GRIP1: variants seen among roughly 807,000 people sequenced by gnomAD.
GRIP1 encodes glutamate receptor-interacting protein 1.
In GRIP1, 45 loss-of-function variants were observed where a neutral mutation model predicts 129.9. The observed-to-expected ratio is 0.35, with a 90% CI of 0.27 to 0.44. The LOEUF (loss-of-function observed/expected upper bound fraction) is 0.44, where lower values mean the gene tolerates loss of function less well. Ranked by LOEUF, GRIP1 falls within the 20% of genes least tolerant of loss-of-function variation. GRIP1 has a pLI of 1.00. For missense variants in GRIP1, 1,196 were observed against 1,396.8 expected, an observed-to-expected ratio of 0.86 and a Z score of 2.29; for synonymous variants, 530 against 520.8, an observed-to-expected ratio of 1.02 and a Z score of -0.24.
chr12:66,903,018 G>GT (rs910013810), intron 1 of GRIP1, among the ~76,000 whole-genome samples: 25 of 151,918 alleles, frequency 1.6e-4, no homozygotes, highest in East Asian at 1.4e-3. Flanking sequence ...TACAAACACA[G>GT]TTTTTTTTAG....
At chr12:66,523,360 G>T (rs1409686531) in intron 5 of GRIP1, among the ~76,000 whole-genome samples, 5 of 144,210 alleles carry the variant, frequency 3.5e-5, no homozygotes, top group Non-Finnish European at 7.6e-5. Context: ...CCAGAAGAGA[G>T]TGGGGGCCAA....
chr12:66,728,238 C>T (rs1400976698), intron 1 of GRIP1, among the ~76,000 whole-genome samples: 1 of 152,162 alleles, frequency 6.6e-6, no homozygotes, highest in African/African-American at 2.4e-5. Context: ...CTATAAGTGA[C>T]AGATTATCCA....
At chr12:66,663,548 A>T (rs576663788) in intron 1 of GRIP1, among the ~76,000 whole-genome samples, 2 of 152,310 alleles carry the variant, frequency 1.3e-5, no homozygotes, top group East Asian at 3.9e-4. Context: ...ACAGATTCAA[A>T]ATGCAGACAG....
intron 7 of GRIP1, among the ~76,000 whole-genome samples, chr12:66,485,830 C>A (rs2059938993): frequency 6.6e-6 from 1 of 151,916 alleles, no homozygotes; most frequent in Non-Finnish European, 1.5e-5. Context: ...CATTGCATTA[C>A]AATGTCACCT....
intron 1 of GRIP1, among the ~76,000 whole-genome samples, chr12:66,899,075 A>G (rs146079817): frequency 1.3e-5 from 2 of 152,216 alleles, no homozygotes; most frequent in East Asian, 3.9e-4. Flanking sequence ...TTCTCTTTGC[A>G]TTTCTGCCTG....
At chr12:66,794,817 T>G (rs2038648797) in intron 1 of GRIP1, among the ~76,000 whole-genome samples, 1 of 152,186 alleles carries the variant, frequency 6.6e-6, no homozygotes, top group Non-Finnish European at 1.5e-5. Flanking sequence ...TTTGGAATTT[T>G]TAAGAATAAA....
intron 1 of GRIP1, among the ~76,000 whole-genome samples, chr12:66,825,933 T>C (rs2039403615): frequency 1.3e-5 from 2 of 152,294 alleles, no homozygotes; most frequent in South Asian, 4.1e-4. Context: ...AGAAATACCA[T>C]TTGACACAGC....
intron 1 of GRIP1, among the ~76,000 whole-genome samples, chr12:66,661,445 T>C (rs1472242830): frequency 7.2e-6 from 1 of 138,794 alleles, no homozygotes; most frequent in Non-Finnish European, 1.5e-5. Context: ...AATGAAAGCT[T>C]TGTTAGATTT....
chr12:66,443,019 T>C (rs2058512984), intron 13 of GRIP1, among the ~76,000 whole-genome samples: 1 of 152,190 alleles, frequency 6.6e-6, no homozygotes, highest in African/African-American at 2.4e-5. Context: ...GATCCCTGAG[T>C]CCACAAGCAT....
chr12:66,947,616 A>G (rs2041693046), intron 1 of GRIP1, among the ~76,000 whole-genome samples: 1 of 152,232 alleles, frequency 6.6e-6, no homozygotes, highest in African/African-American at 2.4e-5. Context: ...CAGGTGGCAG[A>G]TGGGTGACTT....
At chr12:66,515,454 C>T (rs79308830) in intron 7 of GRIP1, among the ~76,000 whole-genome samples, 165 bp downstream of exon 7, 1 of 152,094 alleles carries the variant, frequency 6.6e-6, no homozygotes, top group Non-Finnish European at 1.5e-5. Context: ...AAAGTACAGC[C>T]ACTCACATAT....
At chr12:67,050,806 T>C (rs2135849225) in intron 1 of GRIP1, among the ~76,000 whole-genome samples, 1 of 152,286 alleles carries the variant, frequency 6.6e-6, no homozygotes, top group Admixed American at 6.5e-5. Flanking sequence ...TTTACCCCTT[T>C]TCCTCAACTC....
At chr12:67,004,165 A>G (rs556019376) in intron 1 of GRIP1, among the ~76,000 whole-genome samples, 41 of 152,296 alleles carry the variant, frequency 2.7e-4, no homozygotes, top group African/African-American at 9.1e-4. Flanking sequence ...ATAGGGTAAA[A>G]TTTACAATTT....
In GRIP1 at chr12:66,439,817, C is replaced by T. The variant is rs542726941; in HGVS notation, c.1687+4767G>A. Among the ~76,000 whole-genome samples, 35 of 152,274 alleles carry T rather than the reference C, an allele frequency of 2.3e-4. 1 individual carries two copies. The highest frequency in any genetic ancestry group is 7.9e-4 in the African/African-American group (33 of 41,562). On this transcript the variant is annotated intron_variant, in intron 13 of 24. Transcript: ENST00000359742. ...CTCCCTGACTAGTTCTTCTGTTGAA[C>T]CTTCTCTGGAAACCTCAATCTCTGG...
At chr12:66,414,932 TATAAAATAAAATAAAATAAAATAAA>T (rs56917803) in intron 15 of GRIP1, among the ~76,000 whole-genome samples, 118 of 122,004 alleles carry the variant, frequency 9.7e-4, no homozygotes, top group African/African-American at 2.4e-3. Context: ...TTACACCTTA[TATAAAATAAAATAAAATAAAATAAA>T]ATAAAATAAA....
intron 1 of GRIP1, among the ~76,000 whole-genome samples, chr12:67,007,944 A>T (rs1337156496): frequency 6.6e-6 from 1 of 152,208 alleles, no homozygotes; most frequent in Non-Finnish European, 1.5e-5. Context: ...CAACAAAAAA[A>T]AATCATGGCA....
At chr12:66,889,502 A>C (rs2040621539) in intron 1 of GRIP1, among the ~76,000 whole-genome samples, 1 of 152,174 alleles carries the variant, frequency 6.6e-6, no homozygotes, top group Non-Finnish European at 1.5e-5. Flanking sequence ...ACTTTTGGAG[A>C]ACTATAATCC....
chr12:66,788,041 G>T (rs2038410553), intron 1 of GRIP1, among the ~76,000 whole-genome samples: 1 of 151,918 alleles, frequency 6.6e-6, no homozygotes, highest in African/African-American at 2.4e-5. Context: ...ACCCAGGATT[G>T]GTCAACTGGA....
chr12:66,744,576 C>T (rs2036887818), intron 1 of GRIP1, among the ~76,000 whole-genome samples: 1 of 152,158 alleles, frequency 6.6e-6, no homozygotes, highest in South Asian at 2.1e-4. Flanking sequence ...AAGCAATCTG[C>T]TCTGGACTGC....
Sources: allele counts gnomAD v4.1 joint callset (sites outside exome capture counted in the v4.1 genomes callset), GRCh38; gene constraint gnomAD v4.1.1; transcripts MANE v1.5; gene names NCBI Gene and HGNC (gene_info 2026-07-23, HGNC 2026-07-21).